The following CREG2 variants were observed in gnomAD, a reference collection of about 807,000 sequenced individuals.
The protein encoded by CREG2 is protein CREG2.
CREG2 carries 24 observed loss-of-function variants against 26.2 expected under a neutral mutation model. The ratio of observed to expected loss-of-function variants is 0.92; its 90% CI spans 0.66 to 1.29. CREG2 has a LOEUF of 1.29. Among genes scored for constraint, CREG2 ranks in the 50% most tolerant of loss-of-function variants. CREG2 has a pLI of 0.00. For missense variants in CREG2, 366 were observed against 398.6 expected, an observed-to-expected ratio of 0.92 and a Z score of 0.70; for synonymous variants, 174 against 169.2, an observed-to-expected ratio of 1.03 and a Z score of -0.22.
In CREG2 at chr2:101,387,438, C is replaced by A; in HGVS notation, c.20G>T (p.Arg7Leu). 1 of 1,240,574 alleles carries A rather than the reference C, an allele frequency of 8.1e-7. No individual in the cohort carries two copies. The highest frequency in any genetic ancestry group is 1.0e-6 in the Non-Finnish European group (1 of 984,494). The allele number at this position is 1,240,574 out of a possible 1,614,324, so 76.8% of individuals were successfully genotyped here. MSVRRG[R>L]RPARPGTRLS... ...GCGGGTCCCCGGCCGCGCCGGCCGC[C>A]GGCCGCGGCGCACGGACATCTTGCA... Residue 7 changes from arginine (R) to leucine (L), a missense_variant, in exon 1 of 4, where the codon CGG (arginine) becomes CTG (leucine). Coordinates refer to ENST00000324768, the MANE Select transcript of CREG2 (RefSeq NM_153836.4). The surrounding 1 kb of genome is among the most constrained non-coding windows in gnomAD (Gnocchi z 4.7).
intron 2 of CREG2, among the ~76,000 whole-genome samples, chr2:101,364,443 C>T (rs571881151): frequency 1.3e-5 from 2 of 152,316 alleles, no homozygotes; most frequent in Admixed American, 6.5e-5. Flanking sequence ...AGTCTCTCAG[C>T]TCCCTGTTTG....
At chr2:101,369,361 T>G (rs886704201) in intron 2 of CREG2, among the ~76,000 whole-genome samples, 1 of 152,090 alleles carries the variant, frequency 6.6e-6, no homozygotes, top group Non-Finnish European at 1.5e-5. Context: ...CAGCTGAGTC[T>G]GCCATGCAGA....
chr2:101,365,113 A>G (rs1684600314), intron 2 of CREG2, among the ~76,000 whole-genome samples: 1 of 152,244 alleles, frequency 6.6e-6, no homozygotes, highest in African/African-American at 2.4e-5. Context: ...TGCTGAAGGC[A>G]AGAACAAGAG....
chr2:101,376,971 G>C (rs1428644530), intron 2 of CREG2, among the ~76,000 whole-genome samples: 1 of 152,146 alleles, frequency 6.6e-6, no homozygotes, highest in Non-Finnish European at 1.5e-5. Context: ...CTAAATCCTA[G>C]GAAGAAAAGC....
At chr2:101,354,939 T>G (rs967525201) in intron 3 of CREG2, among the ~76,000 whole-genome samples, 2 of 151,094 alleles carry the variant, frequency 1.3e-5, no homozygotes, top group Non-Finnish European at 2.9e-5. Flanking sequence ...TTGTTTCAAG[T>G]GGATGCTTGA....
In CREG2 at chr2:101,355,380, A is replaced by G; in HGVS notation, c.612-14T>C. On this transcript the variant is annotated splice_polypyrimidine_tract_variant and intron_variant, in intron 2 of 3. Transcript: ENST00000324768. ...ACGATGTTTTTTCTGCATGTGAAAAACATTTTTTGTATATCAGAACAAGGA... is the reference window on the plus strand; with the variant it reads ...ACGATGTTTTTTCTGCATGTGAAAAGCATTTTTTGTATATCAGAACAAGGA... 1 of 1,567,200 alleles carries G rather than the reference A, an allele frequency of 6.4e-7. No individual in the cohort carries two copies. Among genetic ancestry groups the G allele is most frequent in the Non-Finnish European group, 8.8e-7 (1 of 1,137,944 alleles).
At chr2:101,357,636 A>G (rs866303498) in intron 2 of CREG2, among the ~76,000 whole-genome samples, 1 of 152,124 alleles carries the variant, frequency 6.6e-6, no homozygotes, top group Non-Finnish European at 1.5e-5. Context: ...TGCTGTAGTA[A>G]GATTTGTTAA....
chr2:101,375,422 G>A (rs1684774841), intron 2 of CREG2, among the ~76,000 whole-genome samples: 1 of 152,206 alleles, frequency 6.6e-6, no homozygotes, highest in East Asian at 1.9e-4. Context: ...TTCATCCTGG[G>A]GGAGTAAGAA....
chr2:101,371,334 C>A (rs1221023111), intron 2 of CREG2, among the ~76,000 whole-genome samples: 1 of 152,090 alleles, frequency 6.6e-6, no homozygotes, highest in East Asian at 1.9e-4. Flanking sequence ...AGAGATGCAC[C>A]ACAAACAATG....
At position 101,350,856 on chromosome 2, in the gene CREG2, T is replaced by C; in HGVS notation, c.*67A>G. 2 of 1,524,458 alleles carry C rather than the reference T, an allele frequency of 1.3e-6. No individual in the cohort carries two copies. The highest frequency in any genetic ancestry group is 1.8e-6 in the Non-Finnish European group (2 of 1,106,608). 94.4% of individuals were successfully genotyped at this position (1,524,458 alleles called of 1,614,324 possible). On this transcript the variant is annotated 3_prime_UTR_variant, in exon 4 of 4. Coordinates refer to ENST00000324768, the MANE Select transcript of CREG2 (RefSeq NM_153836.4). ...CAACAAAGAGACAGTGGTCAATAGC[T>C]GTCTGGCTGCATCACTGAAAAGGTT...
At chr2:101,382,427 GAA>G (rs11312683) in intron 2 of CREG2, 26,148 of 756,638 alleles carry the variant, frequency 0.035, 11 homozygotes, top group Non-Finnish European at 0.038. Flanking sequence ...ACTCTATCTC[GAA>G]AAAAAAAAAA....
At chr2:101,355,224 G>T (rs756776478) in intron 3 of CREG2, 29 bp downstream of exon 3, 12 of 1,351,072 alleles carry the variant, frequency 8.9e-6, no homozygotes, top group Middle Eastern at 1.8e-4. Flanking sequence ...TGTATTTCTG[G>T]GCATATAAAT....
chr2:101,353,835 G>A (rs1275988877), intron 3 of CREG2, among the ~76,000 whole-genome samples: 1 of 152,176 alleles, frequency 6.6e-6, no homozygotes, highest in Non-Finnish European at 1.5e-5. Flanking sequence ...GAAGCTGGAA[G>A]CCATCATCCT....
At position 101,369,433 on chromosome 2, in the gene CREG2, G is replaced by A. The variant is rs530526346; in HGVS notation, c.612-14067C>T. ...AAGAAGCGGGGTTCGAGGTGCCCAG[G>A]AAGCAGGTGGACTTGGGTCTAGAGC... On this transcript the variant is annotated intron_variant, in intron 2 of 3. Transcript: ENST00000324768. Among the ~76,000 whole-genome samples the A allele has an allele frequency of 2.0e-5, 3 of 152,298 alleles. No individual in the cohort carries two copies. In the South Asian group the frequency reaches 6.2e-4, roughly 32 times the overall value.
chr2:101,376,222 G>T (rs941175860), intron 2 of CREG2, among the ~76,000 whole-genome samples: 5 of 152,114 alleles, frequency 3.3e-5, no homozygotes, highest in African/African-American at 1.2e-4. Context: ...AGAGAAGTCC[G>T]TTGAACAGAC....
At chr2:101,370,400 A>C (rs971568400) in intron 2 of CREG2, among the ~76,000 whole-genome samples, 1 of 152,144 alleles carries the variant, frequency 6.6e-6, no homozygotes, top group Non-Finnish European at 1.5e-5. Context: ...AAAACTTTAC[A>C]CAAATTGAAA....
At chr2:101,381,177 G>A (rs543100485) in intron 2 of CREG2, among the ~76,000 whole-genome samples, 27 of 152,274 alleles carry the variant, frequency 1.8e-4, no homozygotes, top group South Asian at 2.1e-4. Flanking sequence ...CAGGCCCGGC[G>A]ACAGGCAGGA....
At chr2:101,354,657 T>C (rs1684428368) in intron 3 of CREG2, among the ~76,000 whole-genome samples, 2 of 152,194 alleles carry the variant, frequency 1.3e-5, no homozygotes, top group Non-Finnish European at 1.5e-5. Context: ...CGCGGTCCTC[T>C]GCTTGCACAA....
intron 3 of CREG2, among the ~76,000 whole-genome samples, chr2:101,353,716 A>C (rs1319094487): frequency 6.6e-6 from 1 of 152,236 alleles, no homozygotes; most frequent in East Asian, 1.9e-4. Flanking sequence ...AACCAATCCA[A>C]ATGCCCATCA....
Sources: allele counts gnomAD v4.1 joint callset (sites outside exome capture counted in the v4.1 genomes callset), GRCh38; gene constraint gnomAD v4.1.1; non-coding constraint Gnocchi (gnomAD v3.1); transcripts MANE v1.5; gene names NCBI Gene and HGNC (gene_info 2026-07-23, HGNC 2026-07-21).